The following PSD3 variants were observed in gnomAD, a reference collection of about 807,000 sequenced individuals.
PSD3 encodes pleckstrin and Sec7 domain containing 3.
Under a neutral mutation model 105.5 loss-of-function variants are expected in PSD3, and 49 were observed. The observed-to-expected ratio is 0.46, with a 90% CI of 0.37 to 0.59. The LOEUF is 0.59. PSD3 is among the 20% of genes least tolerant of loss of function. The pLI, the probability that PSD3 is intolerant of heterozygous loss-of-function variation, is 0.00. For missense variants in PSD3, 1,561 were observed against 1,263.8 expected, an observed-to-expected ratio of 1.24 and a Z score of -3.57; for synonymous variants, 557 against 457.8, an observed-to-expected ratio of 1.22 and a Z score of -2.77.
At chr8:18,617,605 A>C (rs113703223) in intron 11 of PSD3, among the ~76,000 whole-genome samples, 1 of 152,234 alleles carries the variant, frequency 6.6e-6, no homozygotes, top group South Asian at 2.1e-4. Context: ...TAAGCTCCCA[A>C]CTGCCTGAAT....
At chr8:18,839,545 C>A (rs531210228) in intron 4 of PSD3, among the ~76,000 whole-genome samples, 3 of 152,036 alleles carry the variant, frequency 2.0e-5, no homozygotes. Flanking sequence ...ATGATGGTTC[C>A]GGGCAGTCAC....
At chr8:19,026,372 TCA>T (rs893576837) in intron 1 of PSD3, among the ~76,000 whole-genome samples, 23 of 152,124 alleles carry the variant, frequency 1.5e-4, no homozygotes, top group Non-Finnish European at 3.1e-4. Flanking sequence ...TCCATAACTC[TCA>T]GAGGTTTTTT....
In PSD3 at chr8:19,048,979, C is replaced by T. The variant is rs937720175; in HGVS notation, c.324+35227G>A. On this transcript the variant is annotated intron_variant, in intron 1 of 1. Coordinates refer to the PSD3 transcript ENST00000521475. ...TTCTTGCTCTATCCTCACAGGGTCACCCCTCAGTCTCTGTGTTGCCTGTGT... is the reference window on the plus strand; with the variant it reads ...TTCTTGCTCTATCCTCACAGGGTCATCCCTCAGTCTCTGTGTTGCCTGTGT... Among the ~76,000 whole-genome samples, 3 of 152,206 alleles carry T rather than the reference C, an allele frequency of 2.0e-5. No homozygotes were observed. The South Asian group carries it at 6.2e-4, about 31-fold the overall frequency.
At chr8:18,619,782 C>A (rs551332337) in intron 11 of PSD3, among the ~76,000 whole-genome samples, 40 of 152,302 alleles carry the variant, frequency 2.6e-4, no homozygotes, top group African/African-American at 9.1e-4. Context: ...TCTGGTATAG[C>A]ATCACATGAC....
intron 1 of PSD3, among the ~76,000 whole-genome samples, chr8:18,994,561 G>T (rs1207301812): frequency 6.6e-6 from 1 of 152,050 alleles, no homozygotes; most frequent in Non-Finnish European, 1.5e-5. Context: ...AAATATGGCA[G>T]ATGTGCTGTG....
chr8:18,884,480 C>T (rs1818321762), intron 2 of PSD3, among the ~76,000 whole-genome samples: 2 of 152,002 alleles, frequency 1.3e-5, no homozygotes, highest in African/African-American at 4.8e-5. Context: ...AATCTAAATA[C>T]ATTATATTTT....
chr8:18,613,160 C>T (rs1805394869), intron 11 of PSD3, among the ~76,000 whole-genome samples: 2 of 152,034 alleles, frequency 1.3e-5, no homozygotes, highest in Admixed American at 6.6e-5. Flanking sequence ...CAGCCAAGGA[C>T]CCCTCCTGCC....
At chr8:18,616,022 T>TAAC (rs1554523372) in intron 11 of PSD3, among the ~76,000 whole-genome samples, 175 of 152,184 alleles carry the variant, frequency 1.1e-3, no homozygotes, top group African/African-American at 4.0e-3. Flanking sequence ...CCAAGGAATA[T>TAAC]AACAGCCTCA....
intron 14 of PSD3, among the ~76,000 whole-genome samples, chr8:18,558,955 T>C (rs1336757939): frequency 6.6e-6 from 1 of 152,240 alleles, no homozygotes; most frequent in East Asian, 1.9e-4. Context: ...ATGTATGCTC[T>C]AGTTCCTGTC....
intron 1 of PSD3, among the ~76,000 whole-genome samples, chr8:19,074,082 G>A (rs969483936): frequency 6.6e-6 from 1 of 152,086 alleles, no homozygotes; most frequent in South Asian, 2.1e-4. Context: ...GAGCCACCGC[G>A]CCCCGCAGCC....
chr8:18,932,836 T>G (rs2129468713), intron 2 of PSD3, among the ~76,000 whole-genome samples: 1 of 152,284 alleles, frequency 6.6e-6, no homozygotes, highest in South Asian at 2.1e-4. Flanking sequence ...CTCATACCAT[T>G]TCTGCAATTT....
intron 12 of PSD3, among the ~76,000 whole-genome samples, chr8:18,590,246 C>CCATACCTCAGACG (rs1803496142): frequency 6.6e-6 from 1 of 152,068 alleles, no homozygotes; most frequent in South Asian, 2.1e-4. Flanking sequence ...AGTCTCCATT[C>CCATACCTCAGACG]CAAAGCAGTT....
intron 9 of PSD3, among the ~76,000 whole-genome samples, chr8:18,686,942 T>C (rs11779571): frequency 0.37 from 56,001 of 151,982 alleles, 13,254 homozygotes; most frequent in Non-Finnish European, 0.53. Flanking sequence ...GTGACCATCC[T>C]TCCTTAAACA....
At chr8:18,645,376 C>T (rs1807955124) in intron 10 of PSD3, among the ~76,000 whole-genome samples, 2 of 152,274 alleles carry the variant, frequency 1.3e-5, no homozygotes, top group Admixed American at 1.3e-4. Context: ...TAATCAATAG[C>T]TAACAAAATT....
intron 1 of PSD3, among the ~76,000 whole-genome samples, chr8:18,948,805 T>C (rs1823019805): frequency 6.6e-6 from 1 of 152,110 alleles, no homozygotes; most frequent in African/African-American, 2.4e-5. Context: ...AAAAACATAA[T>C]TTGTCACTTT....
chr8:18,676,632 C>G (rs1800078714), intron 9 of PSD3, among the ~76,000 whole-genome samples: 1 of 152,180 alleles, frequency 6.6e-6, no homozygotes, highest in Non-Finnish European at 1.5e-5. Context: ...CTGGCCAGAC[C>G]AGCGAGGAGC....
chr8:18,725,563 T>C (rs1459290629), intron 9 of PSD3, among the ~76,000 whole-genome samples: 1 of 152,154 alleles, frequency 6.6e-6, no homozygotes, highest in African/African-American at 2.4e-5. Context: ...CTTTCCCCTC[T>C]TTTGAGAGAC....
chr8:18,586,023 G>A (rs745971651), intron 12 of PSD3, among the ~76,000 whole-genome samples: 19 of 152,064 alleles, frequency 1.2e-4, no homozygotes, highest in African/African-American at 4.1e-4. Context: ...TGGGGAGAGC[G>A]ATCCCCAGCC....
chr8:18,852,119 C>A (rs1322049153), intron 4 of PSD3, among the ~76,000 whole-genome samples: 2 of 151,864 alleles, frequency 1.3e-5, no homozygotes, highest in Non-Finnish European at 2.9e-5. Flanking sequence ...TTTCCCTTGA[C>A]TGTTAACAGA....
Sources: gnomAD v4.1 joint callset for allele counts (sites outside exome capture counted in the v4.1 genomes callset) on GRCh38, gnomAD v4.1.1 for gene constraint, MANE v1.5 for transcripts, NCBI Gene and HGNC (gene_info 2026-07-23, HGNC 2026-07-21) for gene names.